Variants in RPAP1 observed in about 807,000 individuals in gnomAD.
RPAP1 encodes the protein RNA polymerase II-associated protein 1.
In RPAP1, 109 loss-of-function variants were observed where a neutral mutation model predicts 142.4. That is an observed-to-expected ratio of 0.77 (90% CI 0.66 to 0.90). The LOEUF (loss-of-function observed/expected upper bound fraction) is 0.90, where lower values mean the gene tolerates loss of function less well. Ranked by LOEUF, RPAP1 falls within the 40% of genes least tolerant of loss-of-function variation. The pLI, the probability that RPAP1 is intolerant of heterozygous loss-of-function variation, is 0.00. For synonymous variants in RPAP1, 704 were observed against 738.9 expected, an observed-to-expected ratio of 0.95 and a Z score of 0.77; for missense variants, 1,546 against 1,751.7, an observed-to-expected ratio of 0.88 and a Z score of 2.10.
At position 41,517,480 on chromosome 15, in the gene RPAP1, G is replaced by C; in HGVS notation, c.*62C>G. The C allele has an allele frequency of 2.8e-6, 4 of 1,417,452 alleles. No individual in the cohort carries two copies. The highest frequency in any genetic ancestry group is 3.8e-6 in the Non-Finnish European group (4 of 1,048,858). The allele number at this position is 1,417,452 out of a possible 1,614,324, so 87.8% of individuals were successfully genotyped here. A position where few individuals can be genotyped will look rare whatever the true frequency, so the allele number is the denominator to read the frequency against. On this transcript the variant is annotated 3_prime_UTR_variant, in exon 25 of 25. Transcript: ENST00000304330. ...GGACACAATGTTCTTCGTCTGGCCA[G>C]ACATCTGTTGAAAGGCTGGATACAG... is the stretch of plus-strand genomic sequence containing the variant.
intron 1 of RPAP1, among the ~76,000 whole-genome samples, chr15:41,541,373 A>G (rs1040778915): frequency 3.3e-5 from 5 of 151,246 alleles, no homozygotes; most frequent in African/African-American, 1.2e-4. Context: ...CAGTGAGCCA[A>G]GATTACACCA....
At position 41,520,746 on chromosome 15, in the gene RPAP1, A is replaced by G; in HGVS notation, c.3440T>C (p.Leu1147Pro). Reference protein sequence around the residue: ...LVLESWRPQALWAVPPAARLA... With the variant: ...LVLESWRPQAPWAVPPAARLA... ...GCGGGCAGCAGGGGGCACAGCCCAG[A>G]GAGCCTGGGGGCGCCAGCTCTCCAA... Residue 1147 changes from leucine (L) to proline (P), a missense_variant, in exon 22 of 25, where the codon CTC becomes CCC. Transcript: ENST00000304330. The G allele has an allele frequency of 6.2e-7, 1 of 1,613,866 alleles. No homozygotes were observed.
intron 13 of RPAP1, 21 bp from the exon 14 acceptor site, chr15:41,527,089 A>G (rs755444949): frequency 1.2e-6 from 2 of 1,612,200 alleles, no homozygotes; most frequent in Non-Finnish European, 8.5e-7. Context: ...CAGGAGGTAA[A>G]AGGGAGGAAG....
intron 1 of RPAP1, among the ~76,000 whole-genome samples, chr15:41,542,493 G>A (rs1203409018): frequency 1.3e-5 from 2 of 152,208 alleles, no homozygotes; most frequent in Non-Finnish European, 2.9e-5. Context: ...GCAAAGACCT[G>A]TCTACAAAAT....
At chr15:41,526,838 A>G in intron 14 of RPAP1, 60 bp downstream of exon 14, 1 of 1,493,666 alleles carries the variant, frequency 6.7e-7, no homozygotes, top group South Asian at 1.3e-5. Flanking sequence ...AGCCATGTTT[A>G]GCTCCCAACC....
In RPAP1 at chr15:41,534,687, C is replaced by T. The variant is rs200253685; in HGVS notation, c.763+27G>A. The T allele has an allele frequency of 4.2e-4, 657 of 1,564,324 alleles. 6 individuals are homozygous for T. Among genetic ancestry groups the T allele is most frequent in the Middle Eastern group, 3.4e-3 (19 of 5,634 alleles). On this transcript the variant is annotated intron_variant, in intron 6 of 24. Coordinates refer to ENST00000304330, the MANE Select transcript of RPAP1 (RefSeq NM_015540.4). The stretch of plus-strand genomic sequence containing the variant: ...AGTGGTATTCCTCTCCTAGCCTGGT[C>T]TCAGCAGGAAAGCCAGGCACCCATA...
rs1255094257 is a variant in RPAP1, at chr15:41,529,492, TGCAGACCCAGGTGGGTGG to T, written c.1118_1135del (p.Pro373_Leu378del). The T allele has an allele frequency of 1.2e-6, 2 of 1,613,010 alleles. No homozygotes were observed. The highest frequency in any genetic ancestry group is 1.7e-6 in the Non-Finnish European group (2 of 1,179,482). ...CACCTCTGCCTCCTCTCCATGGTGG[TGCAGACCCAGGTGGGTGG>T]GCAGGTCCACGTCAGGGGCCAGTAG... On this transcript the variant is annotated inframe_deletion, in exon 9 of 25. Coordinates refer to ENST00000304330, the MANE Select transcript of RPAP1 (RefSeq NM_015540.4).
chr15:41,531,510 G>A (rs1017953242), intron 6 of RPAP1, among the ~76,000 whole-genome samples: 6 of 149,984 alleles, frequency 4.0e-5, no homozygotes, highest in African/African-American at 1.5e-4. Context: ...AGTGGCTGTA[G>A]AATGAATAAG....
intron 8 of RPAP1, 142 bp from the exon 9 acceptor site, chr15:41,529,710 G>C (rs1187261545): frequency 1.2e-6 from 1 of 837,300 alleles, no homozygotes; most frequent in African/African-American, 1.7e-5. Flanking sequence ...GGCCTTGGGG[G>C]CCAGGCAGAG....
chr15:41,529,345 CTGAA>C, intron 9 of RPAP1, 121 bp downstream of exon 9: 1 of 657,150 alleles, frequency 1.5e-6, no homozygotes, highest in South Asian at 1.9e-5. Context: ...AAAAAAGAAA[CTGAA>C]TGCACAGCAA....
At position 41,522,781 on chromosome 15, in the gene RPAP1, T is replaced by C; in HGVS notation, c.2726A>G (p.Lys909Arg). The change falls in exon 19 of 25, where the codon AAG (lysine) becomes AGG (arginine). Residue 909 changes from lysine (K) to arginine (R), a missense_variant. Physicochemically the swap from Lys to Arg is conservative, Grantham distance 26 (BLOSUM62 2). Coordinates refer to ENST00000304330, the MANE Select transcript of RPAP1 (RefSeq NM_015540.4). ...CACACTTACCTGGCCACACAGCCCC[T>C]TGTGGATCTGGGCCAGGGTATTAAG... ...SLLNTLAQIH[K>R]GLCGQLAAIL... 1 of 1,460,486 alleles carries C rather than the reference T, an allele frequency of 6.8e-7. No homozygotes were observed. Among genetic ancestry groups the C allele is most frequent in the Non-Finnish European group, 9.1e-7 (1 of 1,099,960 alleles). The allele number at this position is 1,460,486 out of a possible 1,614,324, so 90.5% of individuals were successfully genotyped here.
At position 41,522,926 on chromosome 15, in the gene RPAP1, C is replaced by T. The variant is rs774813608; in HGVS notation, c.2581G>A (p.Val861Met). 1 of 1,561,054 alleles carries T rather than the reference C, an allele frequency of 6.4e-7. No individual in the cohort carries two copies. The highest frequency in any genetic ancestry group is 8.6e-7 in the Non-Finnish European group (1 of 1,163,142). Residue 861 changes from valine (V) to methionine (M), a missense_variant, in exon 19 of 25, where the codon GTG becomes ATG. Coordinates refer to ENST00000304330, the MANE Select transcript of RPAP1 (RefSeq NM_015540.4). ...CTGGGGGGAGCTTCAAGGGCTGGCA[C>T]ACAGGACAGCGGGTTGCAGAGAAGG... ...CSLLCNPLSC[V>M]PALEAPPSLV...
At chr15:41,517,892 G>A (rs367926877) in intron 23 of RPAP1, 35 bp from the exon 24 acceptor site, 16 of 1,613,804 alleles carry the variant, frequency 9.9e-6, no homozygotes, top group African/African-American at 6.7e-5. Flanking sequence ...GCACTGAGCC[G>A]AGGGCTGGTA....
intron 6 of RPAP1, 58 bp from the exon 7 acceptor site, chr15:41,531,260 A>C: frequency 6.6e-7 from 1 of 1,522,358 alleles, no homozygotes; most frequent in Non-Finnish European, 9.0e-7. Flanking sequence ...GGCCTCCTAC[A>C]GACCTGGAAC....
chr15:41,517,499 G>C lies in RPAP1; in HGVS notation c.*43C>G, dbSNP rs758776818. 6.7e-7 allele frequency: 1 copy of C among 1,491,306 alleles called. No homozygotes were observed. Among genetic ancestry groups the C allele is most frequent in the Non-Finnish European group, 9.0e-7 (1 of 1,110,934 alleles). 92.4% of individuals were successfully genotyped at this position (1,491,306 alleles called of 1,614,324 possible). On this transcript the variant is annotated 3_prime_UTR_variant, in exon 25 of 25. Transcript: ENST00000304330. The stretch of plus-strand genomic sequence containing the variant: ...TGGCCAGACATCTGTTGAAAGGCTG[G>C]ATACAGGACAACGTACCCATCTTTC...
At position 41,524,213 on chromosome 15, in the gene RPAP1, GGCACCACCT is replaced by G; in HGVS notation, c.2108_2116del (p.Gln703_Val705del). On this transcript the variant is annotated inframe_deletion, in exon 16 of 25. Transcript: ENST00000304330. ...AGGTGGGTGGGTGCTGAGCTCCCGC[GGCACCACCT>G]GCAAGGCCCGCATCAGCACTGGGTA... is the stretch of plus-strand genomic sequence containing the variant. 6.4e-7 allele frequency: 1 copy of G among 1,558,106 alleles called. No homozygotes were observed. The highest frequency in any genetic ancestry group is 8.7e-7 in the Non-Finnish European group (1 of 1,151,516).
At chr15:41,531,658 T>C (rs1227634301) in intron 6 of RPAP1, among the ~76,000 whole-genome samples, 2 of 108,670 alleles carry the variant, frequency 1.8e-5, no homozygotes, top group Non-Finnish European at 3.8e-5. Context: ...TTTTTTTTTT[T>C]GAGACGGAAT....
intron 1 of RPAP1, among the ~76,000 whole-genome samples, chr15:41,538,839 T>A (rs995268454): frequency 6.6e-6 from 1 of 152,202 alleles, no homozygotes; most frequent in Admixed American, 6.5e-5. Context: ...GAAAACATTA[T>A]ACTAAGTGAA....
intron 11 of RPAP1, 120 bp from the exon 12 acceptor site, chr15:41,527,725 TAGG>T (rs2051808556): frequency 6.9e-7 from 1 of 1,457,810 alleles, no homozygotes; most frequent in African/African-American, 1.4e-5. Context: ...TTAGGGACTT[TAGG>T]AGATGAGGGA....
Sources: gnomAD v4.1 joint callset for allele counts (sites outside exome capture counted in the v4.1 genomes callset) on GRCh38, gnomAD v4.1.1 for gene constraint, MANE v1.5 for transcripts, NCBI Gene and HGNC (gene_info 2026-07-23, HGNC 2026-07-21) for gene names.